The following TDRD9 variants were observed in gnomAD, a reference collection of about 807,000 sequenced individuals.
TDRD9 encodes the protein ATP-dependent RNA helicase TDRD9.
Under a neutral mutation model 172.6 loss-of-function variants are expected in TDRD9, and 124 were observed. The ratio of observed to expected loss-of-function variants is 0.72; its 90% confidence interval spans 0.62 to 0.83. TDRD9 has a LOEUF of 0.83. Among genes scored for constraint, TDRD9 ranks in the 40% least tolerant of loss-of-function variants. The probability of loss-of-function intolerance (pLI) is 0.00; values close to 1 mark genes in which losing one functional copy is unlikely to be tolerated. For synonymous variants in TDRD9, 619 were observed against 617.1 expected (o/e 1.00, Z -0.05); for missense variants, 1,479 against 1,714.1 (o/e 0.86, Z 2.42).
Position 103,953,438 on chromosome 14 carries a change from G to A in TDRD9, c.216-2226G>A, listed in dbSNP as rs570836439. 2.4e-4 allele frequency among the ~76,000 whole-genome samples: 37 copies of A among 151,950 alleles called. 1 individual carries two copies. The highest frequency in any genetic ancestry group is 8.3e-4 in the South Asian group (4 of 4,794). ...GTAAAAGTTGGCTTTGATGCAAACAGCATTTTATTAAAGTGTATTAGACAG... is the reference window on the plus strand; with the variant it reads ...GTAAAAGTTGGCTTTGATGCAAACAACATTTTATTAAAGTGTATTAGACAG... On this transcript the variant is annotated intron_variant, in intron 1 of 35. Transcript: ENST00000409874.
intron 7 of TDRD9, among the ~76,000 whole-genome samples, chr14:103,983,966 T>C (rs918758870): frequency 1.3e-5 from 2 of 152,186 alleles, no homozygotes; most frequent in African/African-American, 2.4e-5. Flanking sequence ...TAAAGGTGAC[T>C]CTTGTTATGT....
At chr14:103,945,289 C>G (rs889631858) in intron 1 of TDRD9, 2 of 152,136 alleles carry the variant, frequency 1.3e-5, no homozygotes, top group African/African-American at 4.8e-5. Flanking sequence ...AAACCATTAC[C>G]AAAGACCTTT....
intron 8 of TDRD9, among the ~76,000 whole-genome samples, chr14:103,987,123 T>TATACACACACACAC (rs1167102708): frequency 2.1e-5 from 3 of 145,686 alleles, no homozygotes; most frequent in African/African-American, 7.7e-5. Flanking sequence ...AAAAAATATA[T>TATACACACACACAC]ACACACACAC....
chr14:104,034,021 C>A lies in TDRD9; in HGVS notation c.3571C>A (p.Leu1191Ile), dbSNP rs746433693. The change falls in exon 31 of 36, where the codon CTT (leucine) becomes ATT (isoleucine). Residue 1191 changes from leucine to isoleucine, a missense_variant. Leu to Ile is a conservative substitution (Grantham distance 5). Around this residue, in one of 3 missense-constraint regions of TDRD9, gnomAD observed 1,413 missense variants for 1,649.1 expected, o/e 0.86. Coordinates refer to ENST00000409874, the MANE Select transcript of TDRD9 (RefSeq NM_153046.3). ...SVIISDAPED[L>I]HQRMLVAASL... is the part of the protein sequence containing the mutation. ...CATTATCAGTGACGCCCCTGAAGAC[C>A]TTCACCAGAGAATGCTGGTTGCAGC... 1 of 1,551,696 alleles carries A rather than the reference C, an allele frequency of 6.4e-7. No homozygotes were observed. Among genetic ancestry groups the A allele is most frequent in the South Asian group, 1.2e-5 (1 of 84,058 alleles).
chr14:103,954,006 A>T (rs77073930), intron 1 of TDRD9, among the ~76,000 whole-genome samples: 3,524 of 152,322 alleles, frequency 0.023, 79 homozygotes, highest in East Asian at 0.071. Context: ...ACATAAAATT[A>T]ATCATTACAT....
intron 12 of TDRD9, 106 bp downstream of exon 12, chr14:103,995,913 C>T (rs1234833806): frequency 3.3e-5 from 33 of 1,007,772 alleles, no homozygotes; most frequent in South Asian, 2.5e-4. Flanking sequence ...CATCTCCTCC[C>T]GTTTTGGAAC....
At chr14:103,975,113 C>T (rs2152166097) in intron 6 of TDRD9, among the ~76,000 whole-genome samples, 1 of 152,100 alleles carries the variant, frequency 6.6e-6, no homozygotes, top group African/African-American at 2.4e-5. Context: ...TCTCCTGATG[C>T]AAAGTTTTCT....
chr14:103,971,725 C>T lies in TDRD9; in HGVS notation c.846+1104C>T, dbSNP rs185381371. On this transcript the variant is annotated intron_variant, in intron 6 of 35. Coordinates refer to ENST00000409874, the MANE Select transcript of TDRD9 (RefSeq NM_153046.3). ...GGGGCATTCTTTTATGAACAGAGTACGGATACTTTTTGGTTATTATGTTGC... is the reference window on the plus strand; with the variant it reads ...GGGGCATTCTTTTATGAACAGAGTATGGATACTTTTTGGTTATTATGTTGC... Among the ~76,000 whole-genome samples, 76 of 152,306 alleles carry T rather than the reference C, an allele frequency of 5.0e-4. 5 individuals carry two copies. The East Asian group carries it at 6.9e-3, about 14-fold the overall frequency.
chr14:104,046,926 G>T (rs374902089), intron 34 of TDRD9, among the ~76,000 whole-genome samples: 56 of 152,310 alleles, frequency 3.7e-4, no homozygotes, highest in African/African-American at 1.3e-3. Context: ...GATTACAGGC[G>T]TGAGCCACCG....
chr14:104,026,535 T>C (rs1250425350), intron 27 of TDRD9, 144 bp from the exon 28 acceptor site: 1 of 958,444 alleles, frequency 1.0e-6, no homozygotes, highest in Non-Finnish European at 1.5e-6. Flanking sequence ...TAGGAAATTC[T>C]CACTACCCCA....
intron 32 of TDRD9, among the ~76,000 whole-genome samples, chr14:104,035,798 A>G (rs2035432997): frequency 6.6e-6 from 1 of 152,116 alleles, no homozygotes; most frequent in African/African-American, 2.4e-5. Flanking sequence ...TAGCACTTCA[A>G]GAGTCGGGGG....
intron 6 of TDRD9, among the ~76,000 whole-genome samples, chr14:103,972,674 C>T (rs1205243933): frequency 6.6e-6 from 1 of 152,226 alleles, no homozygotes; most frequent in East Asian, 1.9e-4. Flanking sequence ...CTTTGGAAAG[C>T]AGTTGCTTTC....
chr14:103,965,432 G>A lies in TDRD9; in HGVS notation c.520G>A (p.Val174Ile), dbSNP rs752147440. Residue 174 changes from valine to isoleucine, a missense_variant, in exon 4 of 36, where the codon GTT (valine) becomes ATT (isoleucine). Physicochemically the swap from Val to Ile is conservative, Grantham distance 29 (BLOSUM62 3). Coordinates refer to ENST00000409874, the MANE Select transcript of TDRD9 (RefSeq NM_153046.3). ...CCCGCAGTATATCTTGGACCACTACGTTCAGCGCTCCGCCTACTGCAGCAT... is the reference window on the plus strand; with the variant it reads ...CCCGCAGTATATCTTGGACCACTACATTCAGCGCTCCGCCTACTGCAGCAT... ...QLPQYILDHY[V>I]QRSAYCSIVV... The A allele has an allele frequency of 1.9e-4, 293 of 1,551,476 alleles. No homozygotes were observed. Among genetic ancestry groups the A allele is most frequent in the Non-Finnish European group, 2.4e-4 (277 of 1,146,972 alleles).
At chr14:103,941,781 T>C in intron 1 of TDRD9, 1 of 1,151,692 alleles carries the variant, frequency 8.7e-7, no homozygotes, top group Non-Finnish European at 1.2e-6. Flanking sequence ...TTACAATAAA[T>C]TTGCCCGAAA....
intron 1 of TDRD9, among the ~76,000 whole-genome samples, chr14:103,932,548 C>T (rs57408815): frequency 0.018 from 2,705 of 152,160 alleles, 80 homozygotes; most frequent in African/African-American, 0.062. Context: ...CCACCACAGC[C>T]GGCTAATTTT....
chr14:104,003,087 T>C (rs1461284548), intron 13 of TDRD9, among the ~76,000 whole-genome samples: 1 of 152,076 alleles, frequency 6.6e-6, no homozygotes, highest in Non-Finnish European at 1.5e-5. Flanking sequence ...CCTTAGGCAT[T>C]GATGTCACTT....
chr14:104,011,238 TA>T (rs2034603175), intron 20 of TDRD9, among the ~76,000 whole-genome samples: 1 of 152,250 alleles, frequency 6.6e-6, no homozygotes, highest in Non-Finnish European at 1.5e-5. Context: ...TGCTTGTTTG[TA>T]ATGTTTTCTC....
At chr14:103,977,176 A>G (rs1487832277) in intron 7 of TDRD9, among the ~76,000 whole-genome samples, 10 of 151,864 alleles carry the variant, frequency 6.6e-5, no homozygotes, top group Admixed American at 6.6e-4. Context: ...TTTTCAGCTC[A>G]CTTATTTGCC....
At chr14:103,938,692 C>T (rs780823960) in intron 1 of TDRD9, among the ~76,000 whole-genome samples, 2 of 151,852 alleles carry the variant, frequency 1.3e-5, no homozygotes, top group African/African-American at 2.4e-5. Context: ...CCGCCTCGGC[C>T]TCCCAAAGTG....
Sources: allele counts gnomAD v4.1 joint callset (sites outside exome capture counted in the v4.1 genomes callset), GRCh38; gene constraint gnomAD v4.1.1; regional missense constraint gnomAD v4.1.1; transcripts MANE v1.5; gene names NCBI Gene and HGNC (gene_info 2026-07-23, HGNC 2026-07-21).